CORO2A: variants seen among roughly 807,000 people sequenced by gnomAD.
CORO2A encodes coronin 2A, also known as coronin-2A.
A neutral mutation model predicts 62.4 loss-of-function variants in CORO2A; 47 were observed. That is an observed-to-expected ratio of 0.75 (90% confidence interval 0.60 to 0.96). The LOEUF (loss-of-function observed/expected upper bound fraction) is 0.96. Among genes scored for constraint, CORO2A ranks in the 40% least tolerant of loss-of-function variants. The pLI, the probability that CORO2A is intolerant of heterozygous loss-of-function variation, is 0.00. For synonymous variants in CORO2A, 273 were observed against 268.9 expected (o/e 1.02, Z -0.15); for missense variants, 610 against 684.1 (o/e 0.89, Z 1.21).
At chr9:98,150,862 C>T (rs1220592089) in intron 2 of CORO2A, among the ~76,000 whole-genome samples, 1 of 152,162 alleles carries the variant, frequency 6.6e-6, no homozygotes, top group African/African-American at 2.4e-5. Context: ...GCACTTGTCC[C>T]TCCCTAGCTC....
intron 2 of CORO2A, among the ~76,000 whole-genome samples, chr9:98,141,304 C>CTGCA (rs1221639681): frequency 6.6e-6 from 1 of 150,852 alleles, no homozygotes; most frequent in Non-Finnish European, 1.5e-5. Context: ...TAGAAGGACA[C>CTGCA]TGCACCCACA....
At chr9:98,148,008 A>AAGGCAAAGTGCCT (rs1175317918) in intron 2 of CORO2A, among the ~76,000 whole-genome samples, 5 of 150,738 alleles carry the variant, frequency 3.3e-5, no homozygotes, top group Admixed American at 1.3e-4. Context: ...GCACTTTGGG[A>AAGGCAAAGTGCCT]GGCTGAGGCA....
rs1320450359 is a variant in CORO2A, at chr9:98,128,215, G to T, written c.1126C>A (p.Gln376Lys). Residue 376 changes from glutamine to lysine, a missense_variant, in exon 10 of 12, where the codon CAG becomes AAG. Physicochemically the swap from Gln to Lys is moderately conservative, Grantham distance 53. Coordinates refer to ENST00000375077, the MANE Select transcript of CORO2A (RefSeq NM_052820.4). The part of the protein sequence containing the change: ...EDIYPPTAGA[Q>K]PSLTAQEWLS... ...CACTCCTGGGCCGTCAGGGAGGGCTGGGCCCCTGCTGTTGGAGGGTATATG... is the reference window on the plus strand; with the variant it reads ...CACTCCTGGGCCGTCAGGGAGGGCTTGGCCCCTGCTGTTGGAGGGTATATG... The T allele has an allele frequency of 4.3e-6, 7 of 1,613,230 alleles. No homozygotes were observed. The African/African-American group carries it at 5.3e-5, about 12-fold the overall frequency.
chr9:98,130,773 G>A lies in CORO2A; in HGVS notation c.870+182C>T, dbSNP rs541062896. Among the ~76,000 whole-genome samples the A allele has an allele frequency of 2.6e-5, 4 of 152,322 alleles. No homozygotes were observed. In the East Asian group the frequency reaches 7.7e-4, roughly 29 times the overall value. The stretch of plus-strand genomic sequence containing the variant: ...GGAAGAGACAAGGTCAAGGTGTCCA[G>A]CCAGAGCCCTGGCTCCAGGTGTTCC... On this transcript the variant is annotated intron_variant, in intron 7 of 11. Coordinates refer to ENST00000375077, the MANE Select transcript of CORO2A (RefSeq NM_052820.4).
At chr9:98,163,741 T>TGTGTGAGA (rs1253283361) in intron 1 of CORO2A, among the ~76,000 whole-genome samples, 2 of 139,544 alleles carry the variant, frequency 1.4e-5, no homozygotes, top group Non-Finnish European at 3.1e-5. Context: ...TGTGTGTGTG[T>TGTGTGAGA]GAGAGAGAGA....
intron 1 of CORO2A, among the ~76,000 whole-genome samples, chr9:98,174,009 G>A (rs890444954): frequency 1.3e-5 from 2 of 152,120 alleles, no homozygotes; most frequent in Non-Finnish European, 2.9e-5. Context: ...CCAGCTACTC[G>A]GGAGGGAGAA....
chr9:98,153,095 T>G (rs1287107426), intron 2 of CORO2A, among the ~76,000 whole-genome samples: 1 of 152,184 alleles, frequency 6.6e-6, no homozygotes, highest in Non-Finnish European at 1.5e-5. Context: ...TCTCTATAAC[T>G]TTTTCTCTTT....
At chr9:98,162,865 C>T (rs1488997398) in intron 1 of CORO2A, among the ~76,000 whole-genome samples, 1 of 152,210 alleles carries the variant, frequency 6.6e-6, no homozygotes, top group Non-Finnish European at 1.5e-5. Context: ...AGGCACTTGC[C>T]CACAAGTGAG....
intron 10 of CORO2A, among the ~76,000 whole-genome samples, chr9:98,127,565 A>T (rs1167179490): frequency 6.6e-6 from 1 of 152,156 alleles, no homozygotes; most frequent in African/African-American, 2.4e-5. Context: ...TAATCCCAGC[A>T]CTTCGGGAGG....
chr9:98,125,001 C>T lies in CORO2A; in HGVS notation c.1447-96G>A, dbSNP rs190937778. ...CCTCTTTGACTCAGAAAGGTGGAGG[C>T]GGTCACATTAACATGGCTGAGGCCT... On this transcript the variant is annotated intron_variant, in intron 11 of 11. Coordinates refer to ENST00000375077, the MANE Select transcript of CORO2A (RefSeq NM_052820.4). 72 of 1,431,886 alleles carry T rather than the reference C, an allele frequency of 5.0e-5. No individual in the cohort carries two copies. The African/African-American group carries it at 7.8e-4, about 15-fold the overall frequency. 88.7% of individuals were successfully genotyped at this position (1,431,886 alleles called of 1,614,324 possible). A position where few individuals can be genotyped will look rare whatever the true frequency, so the allele number is the denominator to read the frequency against.
At position 98,161,141 on chromosome 9, in the gene CORO2A, G is replaced by A. The variant is rs191936291; in HGVS notation, c.1-3481C>T. 2.8e-4 allele frequency among the ~76,000 whole-genome samples: 43 copies of A among 152,288 alleles called. No individual in the cohort carries two copies. The East Asian group carries it at 5.4e-3, about 19-fold the overall frequency. On this transcript the variant is annotated intron_variant, in intron 1 of 11. Coordinates refer to ENST00000375077, the MANE Select transcript of CORO2A (RefSeq NM_052820.4). ...TGATTCATACAGCCTATGCAAGTCC[G>A]GCCCATGGAGATGGCAAGTGGCTGC... is the stretch of plus-strand genomic sequence containing the variant.
intron 1 of CORO2A, among the ~76,000 whole-genome samples, chr9:98,180,037 A>T (rs1828157978): frequency 6.6e-6 from 1 of 151,712 alleles, no homozygotes. Context: ...AGCAAGCAAA[A>T]AAAACTGCCT....
At chr9:98,138,279 G>C (rs1321238095) in intron 2 of CORO2A, among the ~76,000 whole-genome samples, 1 of 152,038 alleles carries the variant, frequency 6.6e-6, no homozygotes, top group African/African-American at 2.4e-5. Context: ...GCCGGGCGTG[G>C]TAGCATGCAC....
intron 6 of CORO2A, 91 bp from the exon 7 acceptor site, chr9:98,131,150 C>A: frequency 2.4e-6 from 2 of 818,928 alleles, no homozygotes; most frequent in South Asian, 3.0e-5. Context: ...CCATGGTGCT[C>A]TGGGCGAGAG....
chr9:98,170,968 C>T (rs1057382706), intron 1 of CORO2A, among the ~76,000 whole-genome samples: 1 of 152,220 alleles, frequency 6.6e-6, no homozygotes, highest in Non-Finnish European at 1.5e-5. Context: ...CTTGTCCTGC[C>T]TGGACCTTCT....
intron 2 of CORO2A, among the ~76,000 whole-genome samples, chr9:98,148,647 C>T (rs1467843767): frequency 6.6e-6 from 1 of 151,318 alleles, no homozygotes; most frequent in Non-Finnish European, 1.5e-5. Context: ...AGGAGGCTGC[C>T]GTAAGAGGAT....
At chr9:98,129,165 C>T (rs953245892) in intron 8 of CORO2A, among the ~76,000 whole-genome samples, 2 of 152,164 alleles carry the variant, frequency 1.3e-5, no homozygotes, top group Non-Finnish European at 2.9e-5. Flanking sequence ...CTCAAGTGAT[C>T]CTCCAGCTTT....
intron 9 of CORO2A, 56 bp from the exon 10 acceptor site, chr9:98,128,316 A>C (rs748872959): frequency 2.1e-6 from 3 of 1,401,134 alleles, no homozygotes; most frequent in Non-Finnish European, 3.0e-6. Flanking sequence ...CTCAGATGGG[A>C]AAGGCCCTTA....
intron 1 of CORO2A, among the ~76,000 whole-genome samples, chr9:98,184,523 C>T (rs538558323): frequency 6.6e-6 from 1 of 152,284 alleles, no homozygotes; most frequent in South Asian, 2.1e-4. Flanking sequence ...GACATGGTGG[C>T]CCTCTCTCTA....
Sources: allele counts gnomAD v4.1 joint callset (sites outside exome capture counted in the v4.1 genomes callset), GRCh38; gene constraint gnomAD v4.1.1; transcripts MANE v1.5; gene names NCBI Gene and HGNC (gene_info 2026-07-23, HGNC 2026-07-21).